The following ASCC3 variants were observed in gnomAD, a reference collection of about 807,000 sequenced individuals.
ASCC3 encodes the protein activating signal cointegrator 1 complex subunit 3, also known as ASC-1 complex subunit P200.
ASCC3 carries 158 observed loss-of-function variants against 256.3 expected under a neutral mutation model. The observed-to-expected ratio is 0.62, with a 90% CI of 0.54 to 0.70. The LOEUF (loss-of-function observed/expected upper bound fraction) is 0.70, where lower values mean the gene tolerates loss of function less well. Among genes scored for constraint, ASCC3 ranks in the 30% least tolerant of loss-of-function variants. ASCC3 has a pLI of 0.00. For missense variants in ASCC3, 2,259 were observed against 2,626.0 expected (o/e 0.86, Z 3.05); for synonymous variants, 948 against 883.4 (o/e 1.07, Z -1.30).
chr6:100,754,269 T>G (rs1414732), intron 10 of ASCC3, among the ~76,000 whole-genome samples: 148,227 of 152,254 alleles, frequency 0.97, 72,286 homozygotes, highest in East Asian at 1. Flanking sequence ...ATCTGGTTTG[T>G]TGAAGACCAA....
intron 33 of ASCC3, among the ~76,000 whole-genome samples, chr6:100,604,399 G>A (rs768926490): frequency 6.6e-6 from 1 of 151,072 alleles, no homozygotes; most frequent in Non-Finnish European, 1.5e-5. Context: ...AGTTTAATTC[G>A]CTATTTTTTT....
In ASCC3 at chr6:100,715,578, A is replaced by G. The variant is rs777619931; in HGVS notation, c.2080-45T>C. On this transcript the variant is annotated intron_variant, in intron 12 of 41. Coordinates refer to ENST00000369162, the MANE Select transcript of ASCC3 (RefSeq NM_006828.4). ...AAAAAAAATCATGTGAAACAATTAT[A>G]AACTTTCTAACTACAAATAAAATTT... 3 of 1,533,454 alleles carry G rather than the reference A, an allele frequency of 2.0e-6. No individual in the cohort carries two copies. The African/African-American group carries it at 4.1e-5, about 21-fold the overall frequency. The allele number at this position is 1,533,454 out of a possible 1,614,324, so 95.0% of individuals were successfully genotyped here.
chr6:100,856,547 C>G, intron 3 of ASCC3: 2 of 508,358 alleles, frequency 3.9e-6, no homozygotes, highest in Non-Finnish European at 5.1e-6. Context: ...TATCAAAAAA[C>G]GAACACACCT....
intron 30 of ASCC3, among the ~76,000 whole-genome samples, chr6:100,619,758 C>T (rs77881563): frequency 0.03 from 4,614 of 152,158 alleles, 78 homozygotes; most frequent in African/African-American, 0.055. Flanking sequence ...TATTCCTCTT[C>T]CCTCTTTCTA....
intron 20 of ASCC3, among the ~76,000 whole-genome samples, chr6:100,649,321 TA>T (rs1775545745): frequency 6.6e-6 from 1 of 151,778 alleles, no homozygotes; most frequent in Admixed American, 6.6e-5. Context: ...CTTTACCTTT[TA>T]TTTAAATGAT....
intron 1 of ASCC3, among the ~76,000 whole-genome samples, chr6:100,875,613 C>A (rs769950527): frequency 1.3e-5 from 2 of 152,090 alleles, no homozygotes; most frequent in Non-Finnish European, 2.9e-5. Context: ...TGCACTCCAC[C>A]CCTAAAGGCC....
intron 14 of ASCC3, among the ~76,000 whole-genome samples, chr6:100,674,835 GT>G (rs1457826745): frequency 1.3e-4 from 19 of 151,850 alleles, no homozygotes; most frequent in Non-Finnish European, 2.8e-4. Flanking sequence ...GTTTCACCAT[GT>G]TGCCAGGCTG....
At chr6:100,784,850 G>T (rs1782616253) in intron 8 of ASCC3, among the ~76,000 whole-genome samples, 1 of 151,888 alleles carries the variant, frequency 6.6e-6, no homozygotes, top group African/African-American at 2.4e-5. Flanking sequence ...GGCCTATTCT[G>T]TATTGACTTC....
chr6:100,718,039 A>C, intron 12 of ASCC3, 36 bp downstream of exon 12: 1 of 1,594,260 alleles, frequency 6.3e-7, no homozygotes, highest in Non-Finnish European at 8.6e-7. Context: ...AAGTCAACAA[A>C]AATATTTTTA....
intron 4 of ASCC3, among the ~76,000 whole-genome samples, chr6:100,834,006 C>G (rs1771755346): frequency 6.6e-6 from 1 of 152,142 alleles, no homozygotes. Context: ...GCAGAAGTTG[C>G]AGTGAGCCGA....
intron 34 of ASCC3, among the ~76,000 whole-genome samples, chr6:100,599,619 C>T (rs1007704112): frequency 6.7e-6 from 1 of 150,276 alleles, no homozygotes; most frequent in African/African-American, 2.4e-5. Context: ...TACAGTGCTG[C>T]TTTGTACTAT....
In ASCC3 at chr6:100,662,448, T is replaced by G; in HGVS notation, c.2375A>C (p.Asn792Thr). The change falls in exon 15 of 42, where the codon AAT becomes ACT. Residue 792 changes from asparagine (N) to threonine (T), a missense_variant. Coordinates refer to ENST00000369162, the MANE Select transcript of ASCC3 (RefSeq NM_006828.4). ...ATTAGAAAACAAGTTTTCAACTAAA[T>G]TTCTGTCCTGCCGAAGCATTCCTGC... ...HHAGMLRQDR[N>T]LVENLFSNGH... is the part of the protein sequence containing the mutation. The G allele has an allele frequency of 6.2e-7, 1 of 1,613,352 alleles. No individual in the cohort carries two copies. Among genetic ancestry groups the G allele is most frequent in the Non-Finnish European group, 8.5e-7 (1 of 1,179,542 alleles).
At chr6:100,789,396 T>G (rs1769242448) in intron 8 of ASCC3, among the ~76,000 whole-genome samples, 1 of 151,828 alleles carries the variant, frequency 6.6e-6, no homozygotes, top group Non-Finnish European at 1.5e-5. Flanking sequence ...TAAAAACAGG[T>G]TCTTCATGCT....
At chr6:100,784,900 C>T (rs946213683) in intron 8 of ASCC3, among the ~76,000 whole-genome samples, 2 of 151,916 alleles carry the variant, frequency 1.3e-5, no homozygotes, top group African/African-American at 2.4e-5. Flanking sequence ...AATAGAAATA[C>T]CTAATGCTTT....
At chr6:100,755,527 C>A (rs575638442) in intron 10 of ASCC3, among the ~76,000 whole-genome samples, 1 of 151,800 alleles carries the variant, frequency 6.6e-6, no homozygotes, top group Non-Finnish European at 1.5e-5. Flanking sequence ...TGTTTATTGT[C>A]TTTATTATAT....
rs118094613 is a variant in ASCC3, at chr6:100,772,659, A to G, written c.1396-5314T>C. ...AATTAAACATCTGAGAGTACCACTG[A>G]TACTTTCTTCACCAATTTCTCCTGA... On this transcript the variant is annotated intron_variant, in intron 8 of 41. Transcript: ENST00000369162. Among the ~76,000 whole-genome samples the G allele has an allele frequency of 3.9e-5, 6 of 152,296 alleles. No individual in the cohort carries two copies. The East Asian group carries it at 7.7e-4, about 20-fold the overall frequency.
chr6:100,623,611 G>A (rs1774076582), intron 30 of ASCC3, among the ~76,000 whole-genome samples: 1 of 152,096 alleles, frequency 6.6e-6, no homozygotes, highest in South Asian at 2.1e-4. Context: ...GCCTGCATGA[G>A]ATTACAAAGT....
chr6:100,842,797 C>T (rs938791407), intron 4 of ASCC3, among the ~76,000 whole-genome samples: 1 of 151,966 alleles, frequency 6.6e-6, no homozygotes, highest in South Asian at 2.1e-4. Flanking sequence ...ATCACAGAAC[C>T]CTGTCTCTAC....
intron 14 of ASCC3, 121 bp from the exon 15 acceptor site, chr6:100,662,657 A>T: frequency 1.1e-6 from 1 of 882,014 alleles, no homozygotes; most frequent in Non-Finnish European, 1.8e-6. Flanking sequence ...TTAAGGTATT[A>T]CTAGGTCTTA....
Sources: gnomAD v4.1 joint callset for allele counts (sites outside exome capture counted in the v4.1 genomes callset) on GRCh38, gnomAD v4.1.1 for gene constraint, MANE v1.5 for transcripts, NCBI Gene and HGNC (gene_info 2026-07-23, HGNC 2026-07-21) for gene names.